PCDHA3: variants seen among roughly 807,000 people sequenced by gnomAD.
PCDHA3 encodes protocadherin alpha-3.
A neutral mutation model predicts 62.2 loss-of-function variants in PCDHA3; 41 were observed. That is an observed-to-expected ratio of 0.66 (90% CI 0.51 to 0.86). The LOEUF (loss-of-function observed/expected upper bound fraction) is 0.86, where lower values mean the gene tolerates loss of function less well. PCDHA3 is among the 40% of genes least tolerant of loss of function. The pLI is 0.00. For missense variants in PCDHA3, 1,304 were observed against 1,241.2 expected (o/e 1.05, Z -0.76); for synonymous variants, 640 against 555.4 (o/e 1.15, Z -2.14).
At chr5:140,847,907 G>A (rs1382630949) in intron 1 of PCDHA3, 1 of 149,326 alleles carries the variant, frequency 6.7e-6, no homozygotes, top group Non-Finnish European at 1.5e-5. Flanking sequence ...TAGATTTCTG[G>A]GCTCCTATAT....
intron 1 of PCDHA3, chr5:140,883,989 G>A (rs1554180956): frequency 6.2e-7 from 1 of 1,612,952 alleles, no homozygotes; most frequent in Non-Finnish European, 8.5e-7. Flanking sequence ...GGCAGCGCGG[G>A]AGGCACAGTG....
intron 3 of PCDHA3, among the ~76,000 whole-genome samples, chr5:140,994,916 G>C (rs191112964): frequency 2.0e-5 from 3 of 152,332 alleles, no homozygotes; most frequent in Admixed American, 1.3e-4. Context: ...ACTGGAATCA[G>C]ATTTTGTAGG....
At chr5:140,883,341 C>G in intron 1 of PCDHA3, 1 of 1,614,144 alleles carries the variant, frequency 6.2e-7, no homozygotes, top group Non-Finnish European at 8.5e-7. Context: ...TTGTCACTCC[C>G]CATCAGAGAA....
At position 140,869,505 on chromosome 5, in the gene PCDHA3, G is replaced by A. The variant is rs376431150; in HGVS notation, c.2394+65914G>A. On this transcript the variant is annotated intron_variant, in intron 1 of 3. Coordinates refer to ENST00000522353, the MANE Select transcript of PCDHA3 (RefSeq NM_018906.3). ...TTAACGACAACCCGCCGGTGTTCTCGCTCAGAGAACAAAAGCTGCTGATTG... is the reference window on the plus strand; with the variant it reads ...TTAACGACAACCCGCCGGTGTTCTCACTCAGAGAACAAAAGCTGCTGATTG... 89 of 1,614,192 alleles carry A rather than the reference G, an allele frequency of 5.5e-5. No individual in the cohort carries two copies. In the African/African-American group the frequency reaches 1.1e-3, roughly 19 times the overall value.
At position 140,818,518 on chromosome 5, in the gene PCDHA3, G is replaced by A. The variant is rs189749531; in HGVS notation, c.2394+14927G>A. Among the ~76,000 whole-genome samples, 14 of 152,286 alleles carry A rather than the reference G, an allele frequency of 9.2e-5. No homozygotes were observed. The East Asian group carries it at 2.1e-3, about 23-fold the overall frequency. ...TGGATTTTAAAATCAGATATAACCT[G>A]AGAGATTATCATTTTTCTCCATTTA... On this transcript the variant is annotated intron_variant, in intron 1 of 3. Coordinates refer to ENST00000522353, the MANE Select transcript of PCDHA3 (RefSeq NM_018906.3).
chr5:140,906,786 A>G (rs1471436514), intron 1 of PCDHA3, among the ~76,000 whole-genome samples: 1 of 152,198 alleles, frequency 6.6e-6, no homozygotes, highest in Non-Finnish European at 1.5e-5. Flanking sequence ...GATCTTGTGT[A>G]TTCCATGCAT....
At chr5:140,971,615 G>C (rs2096488487) in intron 1 of PCDHA3, among the ~76,000 whole-genome samples, 1 of 152,030 alleles carries the variant, frequency 6.6e-6, no homozygotes, top group East Asian at 1.9e-4. Flanking sequence ...GGAGAGTCCT[G>C]GGGTACAATT....
intron 1 of PCDHA3, chr5:140,808,294 C>T (rs942791264): frequency 2.5e-6 from 4 of 1,614,156 alleles, no homozygotes; most frequent in African/African-American, 1.3e-5. Context: ...GTACAGTCAT[C>T]GCCCTGATCA....
Position 140,850,727 on chromosome 5 carries a change from G to T in PCDHA3, c.2394+47136G>T, listed in dbSNP as rs2150496154. 1.7e-5 allele frequency: 27 copies of T among 1,597,890 alleles called. 4 individuals carry two copies. The highest frequency in any genetic ancestry group is 2.2e-5 in the South Asian group (2 of 90,514). ...AGCCGACGCTGGTGTGTTCTAGCGC[G>T]GTGGGGAGTTGGTCGTACTCGCAGC... is the stretch of plus-strand genomic sequence containing the variant. On this transcript the variant is annotated intron_variant, in intron 1 of 3. Transcript: ENST00000522353.
rs1554143112 is a variant in PCDHA3 at position 140,849,624 on chromosome 5, C to G, written c.2394+46033C>G. ...TATTGCCCTGATTAGTGTGATCGAC[C>G]TAGACGCAGATGCCAACGGGCAGGT... is the stretch of plus-strand genomic sequence containing the variant. On this transcript the variant is annotated intron_variant, in intron 1 of 3. Transcript: ENST00000522353. 3.1e-6 allele frequency: 5 copies of G among 1,598,656 alleles called. No individual in the cohort carries two copies. The African/African-American group carries it at 6.7e-5, about 21-fold the overall frequency.
chr5:140,916,174 C>A (rs2077467805), intron 1 of PCDHA3, among the ~76,000 whole-genome samples: 1 of 152,124 alleles, frequency 6.6e-6, no homozygotes, highest in Non-Finnish European at 1.5e-5. Flanking sequence ...AGGCCTGGGA[C>A]TCTTCAAGGA....
intron 1 of PCDHA3, chr5:140,816,401 A>G (rs1765898077): frequency 6.6e-6 from 1 of 152,022 alleles, no homozygotes; most frequent in Non-Finnish European, 1.5e-5. Context: ...CTGCTTATGC[A>G]TTATTTTCCT....
chr5:140,925,151 T>G (rs1378736882), intron 1 of PCDHA3, among the ~76,000 whole-genome samples: 3 of 151,748 alleles, frequency 2.0e-5, no homozygotes, highest in African/African-American at 7.3e-5. Context: ...ACACAAAAGT[T>G]GAGAGAATTG....
At chr5:140,906,253 A>C (rs1049653184) in intron 1 of PCDHA3, among the ~76,000 whole-genome samples, 5 of 152,064 alleles carry the variant, frequency 3.3e-5, no homozygotes, top group South Asian at 2.1e-4. Flanking sequence ...ACCCATACAC[A>C]CCTCCTGAAA....
At chr5:140,869,548 G>T in intron 1 of PCDHA3, 1 of 1,614,202 alleles carries the variant, frequency 6.2e-7, no homozygotes, top group Non-Finnish European at 8.5e-7. Flanking sequence ...TAAGCAATCG[G>T]ACTCGCGTTT....
Position 140,876,608 on chromosome 5 carries a change from C to T in PCDHA3, c.2394+73017C>T, listed in dbSNP as rs1267902187. On this transcript the variant is annotated intron_variant, in intron 1 of 3. Transcript: ENST00000522353. ...CTGATTAGCGTGTCGGATCGTGACT[C>T]TGGAGCCAATGGACAGGTCATCTGC... The T allele has an allele frequency of 5.0e-6, 8 of 1,614,070 alleles. No individual in the cohort carries two copies. The highest frequency in any genetic ancestry group is 5.9e-6 in the Non-Finnish European group (7 of 1,180,040).
intron 1 of PCDHA3, chr5:140,884,600 C>G: frequency 6.2e-7 from 1 of 1,614,150 alleles, no homozygotes; most frequent in African/African-American, 1.3e-5. Flanking sequence ...CAGCCTTCCT[C>G]CTTGTCTGGG....
chr5:140,861,154 CA>C lies in PCDHA3; in HGVS notation c.2394+57567del, dbSNP rs782409708. On this transcript the variant is annotated intron_variant, in intron 1 of 3. Coordinates refer to ENST00000522353, the MANE Select transcript of PCDHA3 (RefSeq NM_018906.3). ...CACTTGGAACCTCAGGAACAAGGAC[CA>C]AAAGGTCTCAGAGGAACTAAGTCTT... The C allele has an allele frequency of 5.8e-4, 90 of 154,832 alleles. 1 individual carries two copies. The highest frequency in any genetic ancestry group is 1.2e-3 in the Non-Finnish European group (81 of 69,986). 9.6% of individuals were successfully genotyped at this position (154,832 alleles called of 1,614,324 possible). A position where few individuals can be genotyped will look rare whatever the true frequency, so the allele number is the denominator to read the frequency against.
At chr5:140,807,766 G>T (rs373032787) in intron 1 of PCDHA3, 3 of 1,614,038 alleles carry the variant, frequency 1.9e-6, no homozygotes, top group Admixed American at 1.7e-5. Context: ...AAGGTCTTGG[G>T]CTTATATTAC....
Sources: gnomAD v4.1 joint callset for allele counts (sites outside exome capture counted in the v4.1 genomes callset) on GRCh38, gnomAD v4.1.1 for gene constraint, MANE v1.5 for transcripts, NCBI Gene and HGNC (gene_info 2026-07-23, HGNC 2026-07-21) for gene names.